TMEM132D: variants seen among roughly 807,000 people sequenced by gnomAD.
The protein encoded by TMEM132D is mature OL transmembrane protein.
TMEM132D carries 21 observed loss-of-function variants against 62.3 expected under a neutral mutation model. The ratio of observed to expected loss-of-function variants is 0.34; its 90% confidence interval spans 0.24 to 0.49. TMEM132D has a LOEUF of 0.49. TMEM132D is among the 20% of genes least tolerant of loss of function. The pLI is 0.99. For missense variants in TMEM132D, 1,346 were observed against 1,402.8 expected, an observed-to-expected ratio of 0.96 and a Z score of 0.65; for synonymous variants, 621 against 575.6, an observed-to-expected ratio of 1.08 and a Z score of -1.13.
At chr12:129,563,978 T>A (rs956779085) in intron 2 of TMEM132D, among the ~76,000 whole-genome samples, 2 of 152,218 alleles carry the variant, frequency 1.3e-5, no homozygotes, top group Non-Finnish European at 1.5e-5. Flanking sequence ...TCCTGGCTGA[T>A]AGGAAGCAGC....
intron 3 of TMEM132D, among the ~76,000 whole-genome samples, chr12:129,389,823 C>T (rs986404468): frequency 1.3e-5 from 2 of 152,158 alleles, no homozygotes; most frequent in Non-Finnish European, 2.9e-5. Flanking sequence ...GTTGAAGAGA[C>T]GGAGGCAGAG....
intron 5 of TMEM132D, among the ~76,000 whole-genome samples, chr12:129,118,245 A>G (rs1197034701): frequency 1.3e-5 from 2 of 152,252 alleles, no homozygotes; most frequent in Non-Finnish European, 1.5e-5. Context: ...AGTTAGATAA[A>G]TGGAAAATGG....
chr12:129,138,174 G>A (rs1184951406), intron 5 of TMEM132D, among the ~76,000 whole-genome samples: 1 of 152,026 alleles, frequency 6.6e-6, no homozygotes, highest in Non-Finnish European at 1.5e-5. Context: ...CCATTGCCTT[G>A]CAGAAAAAAA....
chr12:129,127,208 T>A (rs982685794), intron 5 of TMEM132D, among the ~76,000 whole-genome samples: 1 of 152,200 alleles, frequency 6.6e-6, no homozygotes, highest in African/African-American at 2.4e-5. Flanking sequence ...TTTGTTTTTT[T>A]CAATCACTCA....
chr12:129,713,105 C>T (rs1593131180), intron 1 of TMEM132D, among the ~76,000 whole-genome samples: 1 of 152,230 alleles, frequency 6.6e-6, no homozygotes, highest in South Asian at 2.1e-4. Flanking sequence ...TCGTGTGTGA[C>T]CTTCACACAA....
rs1873676775 is a variant in TMEM132D at position 129,854,966 on chromosome 12, A to C, written c.79+48295T>G. 3 of 152,356 alleles carry C rather than the reference A, an allele frequency of 2.0e-5. No homozygotes were observed. The South Asian group carries it at 6.2e-4, about 32-fold the overall frequency. The allele number at this position is 152,356 out of a possible 1,614,324, so 9.4% of individuals were successfully genotyped here. A position where few individuals can be genotyped will look rare whatever the true frequency, so the allele number is the denominator to read the frequency against. ...TTTGTTTGCCCACATGGTATTTGCA[A>C]TGACTGGATGTTTATGCCCCTCCCC... On this transcript the variant is annotated intron_variant, in intron 1 of 8. Coordinates refer to ENST00000422113, the MANE Select transcript of TMEM132D (RefSeq NM_133448.3).
At chr12:129,110,462 T>C (rs1875655925) in intron 5 of TMEM132D, 1 of 152,106 alleles carries the variant, frequency 6.6e-6, no homozygotes, top group Non-Finnish European at 1.5e-5. Context: ...ATTTTCTGAG[T>C]TTTTGTTTGT....
chr12:129,489,454 G>T (rs1293754920), intron 3 of TMEM132D, among the ~76,000 whole-genome samples: 5 of 152,136 alleles, frequency 3.3e-5, no homozygotes, highest in African/African-American at 1.2e-4. Context: ...TTTCTCCTGG[G>T]TCATAATTTT....
At chr12:129,885,585 G>A (rs1513198) in intron 1 of TMEM132D, among the ~76,000 whole-genome samples, 1 of 152,040 alleles carries the variant, frequency 6.6e-6, no homozygotes, top group African/African-American at 2.4e-5. Context: ...AGAACCACTC[G>A]TGTAAAAACA....
At chr12:129,365,945 G>A (rs138349800) in intron 3 of TMEM132D, among the ~76,000 whole-genome samples, 20 of 151,894 alleles carry the variant, frequency 1.3e-4, no homozygotes, top group East Asian at 1.9e-4. Context: ...CTGTCCACCC[G>A]CCCCGCACAC....
At chr12:129,503,447 G>A (rs1270409039) in intron 3 of TMEM132D, among the ~76,000 whole-genome samples, 1 of 152,166 alleles carries the variant, frequency 6.6e-6, no homozygotes, top group African/African-American at 2.4e-5. Context: ...AATGATAAAG[G>A]ATGAGTATAT....
intron 3 of TMEM132D, among the ~76,000 whole-genome samples, chr12:129,404,683 G>C (rs565533771): frequency 3.3e-5 from 5 of 152,086 alleles, no homozygotes; most frequent in Admixed American, 2.6e-4. Context: ...GGGCAGGGGG[G>C]TGTAGGGGAG....
chr12:129,845,571 C>A (rs1873334690), intron 1 of TMEM132D, among the ~76,000 whole-genome samples: 1 of 152,192 alleles, frequency 6.6e-6, no homozygotes, highest in African/African-American at 2.4e-5. Flanking sequence ...CCCTCAGCTG[C>A]CCCACTGGTA....
chr12:129,659,563 C>G (rs535210887), intron 2 of TMEM132D, among the ~76,000 whole-genome samples: 3 of 151,308 alleles, frequency 2.0e-5, no homozygotes, highest in African/African-American at 4.9e-5. Context: ...AATTGAGAAG[C>G]AATTTGATTT....
At chr12:129,498,898 G>T (rs1055141726) in intron 3 of TMEM132D, among the ~76,000 whole-genome samples, 10 of 152,152 alleles carry the variant, frequency 6.6e-5, no homozygotes, top group African/African-American at 1.7e-4. Context: ...AATGGGCAGG[G>T]CTCTCTCCCT....
chr12:129,078,502 T>A (rs767643829), intron 8 of TMEM132D, 32 bp downstream of exon 8: 1 of 1,600,562 alleles, frequency 6.2e-7, no homozygotes, highest in Non-Finnish European at 8.5e-7. Flanking sequence ...TGAGGGACCC[T>A]GCTGAAGTGT....
chr12:129,684,047 T>C (rs950633913), intron 2 of TMEM132D, among the ~76,000 whole-genome samples: 3 of 152,174 alleles, frequency 2.0e-5, no homozygotes, highest in African/African-American at 4.8e-5. Flanking sequence ...GATGTGGACA[T>C]AGCCAAAGAA....
intron 3 of TMEM132D, among the ~76,000 whole-genome samples, chr12:129,424,366 C>T (rs1297186979): frequency 6.6e-6 from 1 of 152,130 alleles, no homozygotes; most frequent in Non-Finnish European, 1.5e-5. Flanking sequence ...ATCCTCTTTT[C>T]CTTCTCCATG....
intron 2 of TMEM132D, among the ~76,000 whole-genome samples, chr12:129,572,812 T>G (rs1488726070): frequency 6.6e-6 from 1 of 152,112 alleles, no homozygotes; most frequent in Non-Finnish European, 1.5e-5. Context: ...AAATAATTAC[T>G]CCTTAGATTC....
Sources: allele counts gnomAD v4.1 joint callset (sites outside exome capture counted in the v4.1 genomes callset), GRCh38; gene constraint gnomAD v4.1.1; transcripts MANE v1.5; gene names NCBI Gene and HGNC (gene_info 2026-07-23, HGNC 2026-07-21).